Variants in BMPR1A observed in about 807,000 individuals in gnomAD.
BMPR1A encodes bone morphogenetic protein receptor type 1A.
A neutral mutation model predicts 66.0 loss-of-function variants in BMPR1A; 7 were observed. The observed-to-expected ratio is 0.11, with a 90% CI of 0.06 to 0.20. The LOEUF is 0.20. BMPR1A is among the 10% of genes least tolerant of loss of function. The probability of loss-of-function intolerance (pLI) is 1.00; values close to 1 mark genes in which losing one functional copy is unlikely to be tolerated. For synonymous variants in BMPR1A, 200 were observed against 229.7 expected (o/e 0.87, Z 1.17); for missense variants, 408 against 669.1 (o/e 0.61, Z 4.31).
chr10:86,801,240 C>A (rs981399487), intron 1 of BMPR1A, among the ~76,000 whole-genome samples: 3 of 152,126 alleles, frequency 2.0e-5, no homozygotes, highest in African/African-American at 7.2e-5. Flanking sequence ...TCCCCACGCT[C>A]AGGTGATCCT....
intron 1 of BMPR1A, among the ~76,000 whole-genome samples, chr10:86,833,980 G>A (rs1414431072): frequency 6.6e-6 from 1 of 152,218 alleles, no homozygotes; most frequent in African/African-American, 2.4e-5. Flanking sequence ...TTCTTGATCT[G>A]TTGGGTTGTC....
intron 2 of BMPR1A, among the ~76,000 whole-genome samples, chr10:86,866,966 T>C (rs1180610768): frequency 6.6e-6 from 1 of 152,150 alleles, no homozygotes; most frequent in Non-Finnish European, 1.5e-5. Context: ...GTAAAACTAA[T>C]TTGTAAGTTA....
At chr10:86,902,631 C>G (rs1843329375) in intron 7 of BMPR1A, among the ~76,000 whole-genome samples, 1 of 152,184 alleles carries the variant, frequency 6.6e-6, no homozygotes, top group Non-Finnish European at 1.5e-5. Context: ...TAAACCCTAC[C>G]CATATACTAA....
At chr10:86,869,738 C>T (rs1040325745) in intron 2 of BMPR1A, among the ~76,000 whole-genome samples, 4 of 144,118 alleles carry the variant, frequency 2.8e-5, no homozygotes, top group Non-Finnish European at 6.1e-5. Context: ...GCCTGGGCAA[C>T]AAGAGTGAAA....
At chr10:86,895,255 C>G (rs921669116) in intron 5 of BMPR1A, among the ~76,000 whole-genome samples, 2 of 152,114 alleles carry the variant, frequency 1.3e-5, no homozygotes, top group South Asian at 2.1e-4. Context: ...ATGGGCTGAT[C>G]GTGGTGGCAC....
At chr10:86,923,246 T>A in intron 11 of BMPR1A, 130 bp from the exon 12 acceptor site, 1 of 1,139,792 alleles carries the variant, frequency 8.8e-7, no homozygotes, top group Non-Finnish European at 1.2e-6. Flanking sequence ...TAAGAGTGAA[T>A]CATAGTGTCT....
At chr10:86,919,992 A>G (rs1325396390) in intron 10 of BMPR1A, among the ~76,000 whole-genome samples, 2 of 152,136 alleles carry the variant, frequency 1.3e-5, no homozygotes, top group Non-Finnish European at 2.9e-5. Flanking sequence ...ATATAGTCTT[A>G]GCCATCCTTC....
chr10:86,844,306 A>C (rs11202224), intron 2 of BMPR1A, among the ~76,000 whole-genome samples: 2,529 of 152,274 alleles, frequency 0.017, 75 homozygotes, highest in African/African-American at 0.058. Context: ...TATCATGTTA[A>C]ATGCTATGTA....
intron 7 of BMPR1A, among the ~76,000 whole-genome samples, chr10:86,900,588 C>T (rs1843295627): frequency 6.6e-6 from 1 of 152,120 alleles, no homozygotes; most frequent in African/African-American, 2.4e-5. Flanking sequence ...AACCTAGATA[C>T]ATTAATGAAA....
intron 2 of BMPR1A, among the ~76,000 whole-genome samples, chr10:86,867,112 A>G (rs1398533277): frequency 1.3e-5 from 2 of 152,182 alleles, no homozygotes; most frequent in Non-Finnish European, 2.9e-5. Flanking sequence ...TTACCACCAC[A>G]TTAAACTGTT....
chr10:86,808,863 A>G (rs1000506118), intron 1 of BMPR1A, among the ~76,000 whole-genome samples: 3 of 152,186 alleles, frequency 2.0e-5, no homozygotes, highest in East Asian at 1.9e-4. Context: ...CAGGATGGCT[A>G]CCAAACCTGC....
chr10:86,923,716 C>A lies in BMPR1A; in HGVS notation c.1596C>A (p.Ile532=), dbSNP rs201345248. Reference sequence around the variant, plus strand: ...TGGTTGAATCCCAAGATGTAAAAATCTGATGGTTAAACCATCGGAGGAGAA... The same window carrying A: ...TGGTTGAATCCCAAGATGTAAAAATATGATGGTTAAACCATCGGAGGAGAA... ...AKMVESQDVK[I] Residue 532 remains isoleucine (I), a synonymous_variant, in exon 13 of 13, where the codon ATC becomes ATA. Transcript: ENST00000372037. 1.2e-6 allele frequency: 2 copies of A among 1,613,488 alleles called. No individual in the cohort carries two copies. The highest frequency in any genetic ancestry group is 1.7e-6 in the Non-Finnish European group (2 of 1,180,028).
chr10:86,875,233 T>C (rs1296949400), intron 2 of BMPR1A, among the ~76,000 whole-genome samples: 1 of 151,580 alleles, frequency 6.6e-6, no homozygotes, highest in Non-Finnish European at 1.5e-5. Context: ...ATTAGCCGAG[T>C]GTGGTGGTGC....
At chr10:86,885,329 T>C (rs769291039) in intron 3 of BMPR1A, among the ~76,000 whole-genome samples, 81 of 152,360 alleles carry the variant, frequency 5.3e-4, no homozygotes, top group African/African-American at 1.8e-3. Context: ...CATGTTCATT[T>C]TTTTACATGT....
intron 1 of BMPR1A, among the ~76,000 whole-genome samples, chr10:86,805,038 G>C (rs964272978): frequency 6.6e-6 from 1 of 151,800 alleles, no homozygotes; most frequent in Admixed American, 6.6e-5. Context: ...TTTTATCCCT[G>C]TCTCTCCCCA....
chr10:86,874,567 G>A (rs1429870932), intron 2 of BMPR1A, among the ~76,000 whole-genome samples: 2 of 151,720 alleles, frequency 1.3e-5, no homozygotes, highest in African/African-American at 2.4e-5. Flanking sequence ...CACCACACCT[G>A]GCTAATTTTT....
At chr10:86,756,104 T>C (rs1199439722), upstream of BMPR1A, 1 of 152,186 alleles carries the variant, frequency 6.6e-6, no homozygotes, top group Non-Finnish European at 1.5e-5. Flanking sequence ...TTCACCGCAG[T>C]GTGAGTGTCG....
chr10:86,914,055 T>TTGATG (rs1843527834), intron 8 of BMPR1A, among the ~76,000 whole-genome samples: 1 of 151,986 alleles, frequency 6.6e-6, no homozygotes, highest in South Asian at 2.1e-4. Context: ...GATAGATGTA[T>TTGATG]TGATGAATGG....
chr10:86,763,476 A>G (rs998177733), intron 1 of BMPR1A, among the ~76,000 whole-genome samples: 1 of 152,222 alleles, frequency 6.6e-6, no homozygotes, highest in Non-Finnish European at 1.5e-5. Context: ...GCTTAAAAAA[A>G]GAAAAAGAAA....
Sources: allele counts gnomAD v4.1 joint callset (sites outside exome capture counted in the v4.1 genomes callset), GRCh38; gene constraint gnomAD v4.1.1; transcripts MANE v1.5; gene names NCBI Gene and HGNC (gene_info 2026-07-23, HGNC 2026-07-21).